ZFAND3: variants seen among roughly 807,000 people sequenced by gnomAD.
ZFAND3 encodes zinc finger AN1-type containing 3.
Under a neutral mutation model 29.6 loss-of-function variants are expected in ZFAND3, and 10 were observed. The observed-to-expected ratio is 0.34, with a 90% CI of 0.21 to 0.57. The LOEUF is 0.57. Ranked by LOEUF, ZFAND3 falls within the 20% of genes least tolerant of loss-of-function variation. The pLI, the probability that ZFAND3 is intolerant of heterozygous loss-of-function variation, is 0.86. For missense variants in ZFAND3, 230 were observed against 304.5 expected (o/e 0.76, Z 1.82); for synonymous variants, 128 against 112.6 (o/e 1.14, Z -0.87).
chr6:37,994,910 CG>C (rs1235298912), intron 2 of ZFAND3, among the ~76,000 whole-genome samples: 2 of 152,180 alleles, frequency 1.3e-5, no homozygotes, highest in East Asian at 3.9e-4. Flanking sequence ...GTTTCTTATC[CG>C]GGGTGGGGGT....
At chr6:38,002,056 A>G (rs2127439855) in intron 2 of ZFAND3, among the ~76,000 whole-genome samples, 1 of 152,306 alleles carries the variant, frequency 6.6e-6, no homozygotes, top group East Asian at 1.9e-4. Context: ...AAAGCCTGAG[A>G]TTTTGTCCTA....
intron 5 of ZFAND3, among the ~76,000 whole-genome samples, chr6:38,139,709 T>C (rs878881832): frequency 3.3e-5 from 5 of 152,162 alleles, no homozygotes; most frequent in Admixed American, 2.6e-4. Context: ...TCTCATCATG[T>C]TGGCTGCCCT....
chr6:38,032,647 C>T (rs768481492), intron 2 of ZFAND3, among the ~76,000 whole-genome samples: 7 of 152,172 alleles, frequency 4.6e-5, no homozygotes, highest in Non-Finnish European at 1.0e-4. Context: ...TTATTAAAAG[C>T]TAACATTAAG....
intron 5 of ZFAND3, among the ~76,000 whole-genome samples, chr6:38,132,798 T>C (rs201567891): frequency 3.5e-5 from 5 of 143,518 alleles, no homozygotes; most frequent in Non-Finnish European, 7.4e-5. Context: ...GCAACTTAGA[T>C]TGACTAGGTG....
intron 2 of ZFAND3, among the ~76,000 whole-genome samples, chr6:37,987,930 T>G (rs1415038123): frequency 6.6e-6 from 1 of 152,226 alleles, no homozygotes; most frequent in Admixed American, 6.5e-5. Context: ...TGAATAGATT[T>G]AGTATTTTCC....
chr6:38,105,886 A>G (rs1327175460), intron 4 of ZFAND3, among the ~76,000 whole-genome samples: 3 of 152,222 alleles, frequency 2.0e-5, no homozygotes, highest in Non-Finnish European at 1.5e-5. Flanking sequence ...AATATTAGGT[A>G]AATAAGGCAA....
At chr6:37,989,549 A>G (rs2127435153) in intron 2 of ZFAND3, among the ~76,000 whole-genome samples, 1 of 152,270 alleles carries the variant, frequency 6.6e-6, no homozygotes, top group East Asian at 1.9e-4. Flanking sequence ...ACAAGTCACC[A>G]CTTTCTAATA....
intron 1 of ZFAND3, among the ~76,000 whole-genome samples, chr6:37,852,561 C>G (rs1389179268): frequency 6.6e-6 from 1 of 152,140 alleles, no homozygotes. Context: ...TCCATGCCTT[C>G]TTATTTCTTC....
chr6:37,864,153 A>G (rs1221314769), intron 1 of ZFAND3, among the ~76,000 whole-genome samples: 2 of 152,164 alleles, frequency 1.3e-5, no homozygotes, highest in African/African-American at 2.4e-5. Context: ...ATTGCTCTGT[A>G]ATACATATAT....
chr6:37,896,240 T>G (rs1765200754), intron 1 of ZFAND3, among the ~76,000 whole-genome samples: 1 of 152,182 alleles, frequency 6.6e-6, no homozygotes, highest in Non-Finnish European at 1.5e-5. Flanking sequence ...CCTTTGATTT[T>G]TTTTGTTTTA....
chr6:37,981,630 A>T (rs756781534), intron 2 of ZFAND3, among the ~76,000 whole-genome samples: 2 of 152,112 alleles, frequency 1.3e-5, no homozygotes, highest in African/African-American at 2.4e-5. Flanking sequence ...TATGTTTTTG[A>T]TGGGAAACAC....
intron 2 of ZFAND3, among the ~76,000 whole-genome samples, chr6:38,005,170 A>C (rs1248325309): frequency 6.6e-6 from 1 of 152,198 alleles, no homozygotes; most frequent in Non-Finnish European, 1.5e-5. Flanking sequence ...AAATTTCTTT[A>C]GTGCCATTTC....
intron 3 of ZFAND3, among the ~76,000 whole-genome samples, chr6:38,081,958 A>G (rs1764671682): frequency 1.3e-5 from 2 of 152,106 alleles, no homozygotes; most frequent in South Asian, 2.1e-4. Context: ...ATGTAAGGCT[A>G]GTTTTTCAGT....
chr6:38,143,334 CTG>C (rs1225231964), intron 5 of ZFAND3: 2 of 152,284 alleles, frequency 1.3e-5, no homozygotes, highest in African/African-American at 4.8e-5. Context: ...GTTAGCTGGA[CTG>C]TGGCACAGTT....
At chr6:37,906,127 A>T (rs1348789536) in intron 1 of ZFAND3, among the ~76,000 whole-genome samples, 1 of 152,134 alleles carries the variant, frequency 6.6e-6, no homozygotes, top group East Asian at 1.9e-4. Context: ...AGTGTTATGC[A>T]GTCATCACTG....
chr6:37,940,819 C>T (rs192647103), intron 2 of ZFAND3, among the ~76,000 whole-genome samples: 3 of 152,124 alleles, frequency 2.0e-5, no homozygotes, highest in African/African-American at 4.8e-5. Flanking sequence ...TTAAGACTTC[C>T]GGCTTGAAGA....
intron 4 of ZFAND3, among the ~76,000 whole-genome samples, chr6:38,114,061 G>A (rs971543984): frequency 2.6e-5 from 4 of 152,222 alleles, no homozygotes; most frequent in Non-Finnish European, 4.4e-5. Context: ...TAGTAATAAT[G>A]AAAAGGCCTC....
intron 1 of ZFAND3, among the ~76,000 whole-genome samples, chr6:37,868,892 G>T (rs1348447234): frequency 6.6e-6 from 1 of 152,178 alleles, no homozygotes; most frequent in Non-Finnish European, 1.5e-5. Flanking sequence ...TTCTGGAAGT[G>T]TTCAATTGAT....
At chr6:38,139,496 A>G (rs773761217) in intron 5 of ZFAND3, among the ~76,000 whole-genome samples, 2 of 152,210 alleles carry the variant, frequency 1.3e-5, no homozygotes, top group Non-Finnish European at 2.9e-5. Context: ...GGGTCCAGGA[A>G]GATCTTCCTG....
Sources: gnomAD v4.1 joint callset for allele counts (sites outside exome capture counted in the v4.1 genomes callset) on GRCh38, gnomAD v4.1.1 for gene constraint, MANE v1.5 for transcripts, NCBI Gene and HGNC (gene_info 2026-07-23, HGNC 2026-07-21) for gene names.